CGNL1: variants seen among roughly 807,000 people sequenced by gnomAD.
CGNL1 encodes the protein cingulin-like protein 1.
CGNL1 carries 132 observed loss-of-function variants against 141.2 expected under a neutral mutation model. The ratio of observed to expected loss-of-function variants is 0.93; its 90% CI spans 0.81 to 1.08. The LOEUF is 1.08. Among genes scored for constraint, CGNL1 ranks in the 50% least tolerant of loss-of-function variants. The pLI, the probability that CGNL1 is intolerant of heterozygous loss-of-function variation, is 0.00. For missense variants in CGNL1, 1,870 were observed against 1,588.6 expected (o/e 1.18, Z -3.01); for synonymous variants, 690 against 622.1 (o/e 1.11, Z -1.63).
chr15:57,468,946 G>A (rs536812538), intron 8 of CGNL1, among the ~76,000 whole-genome samples: 1 of 152,126 alleles, frequency 6.6e-6, no homozygotes, highest in East Asian at 1.9e-4. Flanking sequence ...TTTCCTCCTC[G>A]CCTTCCACCA....
chr15:57,388,396 C>T (rs1490427732), intron 1 of CGNL1, among the ~76,000 whole-genome samples: 1 of 152,182 alleles, frequency 6.6e-6, no homozygotes, highest in Non-Finnish European at 1.5e-5. Context: ...GCTGCTGACA[C>T]GCACTGGTGA....
chr15:57,463,848 T>C (rs1184229839), intron 8 of CGNL1, among the ~76,000 whole-genome samples: 1 of 152,206 alleles, frequency 6.6e-6, no homozygotes, highest in Non-Finnish European at 1.5e-5. Flanking sequence ...GCTGTTGTCC[T>C]CCTGCAAGAA....
chr15:57,421,457 C>A (rs916388034), intron 1 of CGNL1, among the ~76,000 whole-genome samples: 3 of 151,996 alleles, frequency 2.0e-5, no homozygotes, highest in Non-Finnish European at 4.4e-5. Context: ...AGATCCTGGG[C>A]TTAGGAGATC....
chr15:57,521,744 G>A (rs1188692111), intron 10 of CGNL1, among the ~76,000 whole-genome samples: 2 of 152,112 alleles, frequency 1.3e-5, no homozygotes, highest in East Asian at 3.9e-4. Flanking sequence ...GAGTGGAGCA[G>A]AAATGCATGC....
intron 9 of CGNL1, among the ~76,000 whole-genome samples, chr15:57,517,931 T>A (rs1228076048): frequency 6.6e-6 from 1 of 151,784 alleles, no homozygotes; most frequent in Non-Finnish European, 1.5e-5. Flanking sequence ...TAAAACTGTG[T>A]GTGTGGGGGT....
intron 8 of CGNL1, among the ~76,000 whole-genome samples, chr15:57,480,263 A>G (rs1415108789): frequency 4.6e-5 from 7 of 151,718 alleles, no homozygotes; most frequent in African/African-American, 1.4e-4. Context: ...CACGCCTGTA[A>G]TCTTAGCACT....
Position 57,439,041 on chromosome 15 carries a change from G to T in CGNL1, c.1042G>T (p.Gly348Ter), listed in dbSNP as rs557660574. The T allele has an allele frequency of 6.2e-7, 1 of 1,614,200 alleles. No individual in the cohort carries two copies. The highest frequency in any genetic ancestry group is 1.7e-5 in the Admixed American group (1 of 60,030). Residue 348 changes from glycine to a stop codon, truncating the protein, a stop_gained, in exon 2 of 19, where the codon GGA becomes TGA. Coordinates refer to ENST00000281282, the MANE Select transcript of CGNL1 (RefSeq NM_032866.5). LOFTEE classifies it high-confidence loss of function. ...AGGAACTGGACGGGATATTGATACA[G>T]GATCAATTCCTGGTGTGGATCAGTT... Reference protein sequence around the residue: ...LPGTGRDIDTGSIPGVDQLIE... With the variant: ...LPGTGRDIDT
chr15:57,544,283 C>T (rs1313490767), intron 15 of CGNL1, among the ~76,000 whole-genome samples, 190 bp from the exon 16 acceptor site: 1 of 152,250 alleles, frequency 6.6e-6, no homozygotes, highest in Non-Finnish European at 1.5e-5. Context: ...TTCTGGCCTG[C>T]AGCTGAGTTC....
intron 2 of CGNL1, among the ~76,000 whole-genome samples, chr15:57,439,848 C>T (rs140806811): frequency 8.8e-4 from 134 of 152,240 alleles, no homozygotes; most frequent in African/African-American, 3.1e-3. Context: ...AGTAACTTGG[C>T]AGACGCTACA....
At chr15:57,526,454 G>A (rs182514777) in intron 12 of CGNL1, among the ~76,000 whole-genome samples, 4 of 151,898 alleles carry the variant, frequency 2.6e-5, no homozygotes, top group Admixed American at 2.0e-4. Flanking sequence ...CTTGTGTTTT[G>A]ATTGAGCTGG....
intron 8 of CGNL1, among the ~76,000 whole-genome samples, chr15:57,510,013 T>C (rs539836928): frequency 6.6e-6 from 1 of 152,368 alleles, no homozygotes; most frequent in Admixed American, 6.5e-5. Flanking sequence ...ATCTTCTTTG[T>C]GCAGTGTAGT....
chr15:57,520,132 C>T (rs1440166949), intron 10 of CGNL1, among the ~76,000 whole-genome samples: 1 of 152,228 alleles, frequency 6.6e-6, no homozygotes, highest in Non-Finnish European at 1.5e-5. Flanking sequence ...GTGTTAGCCA[C>T]TGGCAGTGCA....
chr15:57,507,748 A>G (rs578120768), intron 8 of CGNL1, among the ~76,000 whole-genome samples: 61 of 152,238 alleles, frequency 4.0e-4, no homozygotes, highest in Non-Finnish European at 7.1e-4. Flanking sequence ...AAATGGCAGC[A>G]TTTGAAAATA....
intron 4 of CGNL1, among the ~76,000 whole-genome samples, chr15:57,444,421 C>G (rs2063227254): frequency 6.6e-6 from 1 of 152,106 alleles, no homozygotes; most frequent in African/African-American, 2.4e-5. Flanking sequence ...AACACATTCA[C>G]TCATTTCTCT....
chr15:57,448,214 G>T (rs1452354952), intron 4 of CGNL1, among the ~76,000 whole-genome samples: 1 of 152,178 alleles, frequency 6.6e-6, no homozygotes, highest in African/African-American at 2.4e-5. Context: ...GGAGGCTGAG[G>T]TAGGAGGATC....
intron 1 of CGNL1, among the ~76,000 whole-genome samples, chr15:57,428,039 A>G (rs1021248466): frequency 6.6e-6 from 1 of 151,990 alleles, no homozygotes; most frequent in Non-Finnish European, 1.5e-5. Flanking sequence ...TACATTGAGC[A>G]TGCTTTATTA....
At chr15:57,536,855 A>G (rs539686570) in intron 14 of CGNL1, among the ~76,000 whole-genome samples, 3 of 152,288 alleles carry the variant, frequency 2.0e-5, no homozygotes, top group African/African-American at 7.2e-5. Context: ...CCTCTTGCCT[A>G]TTCCCATCGT....
In CGNL1 at chr15:57,532,918, T is replaced by C. The variant is rs558072918; in HGVS notation, c.3291+1139T>C. 2.0e-5 allele frequency among the ~76,000 whole-genome samples: 3 copies of C among 152,338 alleles called. No individual in the cohort carries two copies. The South Asian group carries it at 6.2e-4, about 32-fold the overall frequency. On this transcript the variant is annotated intron_variant, in intron 14 of 18. Coordinates refer to ENST00000281282, the MANE Select transcript of CGNL1 (RefSeq NM_032866.5). ...TTTGTCTTCTTTTTCAAATCTTCCC[T>C]ATTCCAAAGGGCACTTTCCTCTGGT...
intron 8 of CGNL1, among the ~76,000 whole-genome samples, chr15:57,469,722 A>G (rs1189153438): frequency 2.0e-5 from 3 of 152,102 alleles, no homozygotes; most frequent in African/African-American, 7.2e-5. Context: ...CCCCTTCACC[A>G]CCACCCTCCA....
Sources: gnomAD v4.1 joint callset for allele counts (sites outside exome capture counted in the v4.1 genomes callset) on GRCh38, gnomAD v4.1.1 for gene constraint, MANE v1.5 for transcripts, NCBI Gene and HGNC (gene_info 2026-07-23, HGNC 2026-07-21) for gene names.